The following SAMD14 variants were observed in gnomAD, a reference collection of about 807,000 sequenced individuals.
The protein encoded by SAMD14 is sterile alpha motif domain containing 14, also known as sterile alpha motif domain-containing protein 14.
Under a neutral mutation model 46.2 loss-of-function variants are expected in SAMD14, and 27 were observed. The ratio of observed to expected loss-of-function variants is 0.58; its 90% CI spans 0.43 to 0.81. The LOEUF is 0.81. SAMD14 is among the 30% of genes least tolerant of loss of function. The pLI is 0.00. For synonymous variants in SAMD14, 241 were observed against 254.3 expected, an observed-to-expected ratio of 0.95 and a Z score of 0.50; for missense variants, 559 against 582.2, an observed-to-expected ratio of 0.96 and a Z score of 0.41.
At chr17:50,120,879 C>G (rs191968072) in intron 2 of SAMD14, among the ~76,000 whole-genome samples, 6 of 152,208 alleles carry the variant, frequency 3.9e-5, no homozygotes, top group African/African-American at 1.2e-4. Flanking sequence ...ATAGCCCCCC[C>G]ACTCCAAAAC....
intron 2 of SAMD14, among the ~76,000 whole-genome samples, chr17:50,123,751 G>C (rs889526892): frequency 6.6e-6 from 1 of 152,182 alleles, no homozygotes. Flanking sequence ...TTTCACATCA[G>C]GAAGCAGTGA....
In SAMD14 at chr17:50,119,642, C is replaced by G. The variant is rs771935415; in HGVS notation, c.44-1315G>C. ...TCAAGCTCAACTCATCAAAATGAAC[C>G]GATCATGTAACCTCAAACCAGCTTC... On this transcript the variant is annotated intron_variant, in intron 2 of 9. Coordinates refer to ENST00000330175, the MANE Select transcript of SAMD14 (RefSeq NM_001257359.2). Among the ~76,000 whole-genome samples the G allele has an allele frequency of 2.6e-5, 4 of 152,148 alleles. No individual in the cohort carries two copies. In the South Asian group the frequency reaches 8.3e-4, roughly 32 times the overall value.
intron 2 of SAMD14, among the ~76,000 whole-genome samples, chr17:50,123,361 A>G (rs1053692312): frequency 1.3e-5 from 2 of 152,168 alleles, no homozygotes; most frequent in Non-Finnish European, 2.9e-5. Context: ...ACAGGAGGAC[A>G]CCTTTGGCCA....
chr17:50,127,263 AG>A (rs1221071502), intron 1 of SAMD14, among the ~76,000 whole-genome samples: 1 of 152,178 alleles, frequency 6.6e-6, no homozygotes, highest in Non-Finnish European at 1.5e-5. Flanking sequence ...ATAAGCATAG[AG>A]GGAGGGAAGC....
At chr17:50,125,030 GA>G in intron 1 of SAMD14, 59 bp from the exon 2 acceptor site, 1 of 1,502,610 alleles carries the variant, frequency 6.7e-7, no homozygotes, top group Non-Finnish European at 9.2e-7. Context: ...GATTCAGGCT[GA>G]CCGAGGCAGA....
At chr17:50,114,116 G>A in intron 8 of SAMD14, 37 bp from the exon 9 acceptor site, 1 of 1,613,760 alleles carries the variant, frequency 6.2e-7, no homozygotes, top group South Asian at 1.1e-5. Flanking sequence ...GGGAGGCTTG[G>A]CCTGTGACCT....
chr17:50,117,971 G>A (rs73330581), intron 3 of SAMD14, 190 bp downstream of exon 3: 15,566 of 702,722 alleles, frequency 0.022, 327 homozygotes, highest in African/African-American at 0.075. Flanking sequence ...GTAAAATGGG[G>A]CTAATAATAT....
chr17:50,118,807 A>T (rs1311195651), intron 2 of SAMD14, among the ~76,000 whole-genome samples: 1 of 152,154 alleles, frequency 6.6e-6, no homozygotes, highest in East Asian at 1.9e-4. Context: ...CATTTAAGAA[A>T]CACTTACTAC....
chr17:50,114,131 A>G (rs1347210007), intron 8 of SAMD14, 52 bp from the exon 9 acceptor site: 1 of 1,613,668 alleles, frequency 6.2e-7, no homozygotes, highest in Non-Finnish European at 8.5e-7. Flanking sequence ...TGACCTGAGC[A>G]CCTTGCAGAG....
In SAMD14 at chr17:50,110,328, G is replaced by A. The variant is rs752354363; in HGVS notation, c.*2565C>T. 13 of 424,496 alleles carry A rather than the reference G, an allele frequency of 3.1e-5. No homozygotes were observed. The highest frequency in any genetic ancestry group is 5.1e-5 in the Non-Finnish European group (12 of 236,646). 26.3% of individuals were successfully genotyped at this position (424,496 alleles called of 1,614,324 possible). On this transcript the variant is annotated 3_prime_UTR_variant, in exon 10 of 10. Transcript: ENST00000330175. ...CTATCTCTGTGGGCGATGCCTGAGG[G>A]TTAGGGATGTCTCCACCCTGATGGG...
At chr17:50,114,511 T>G in intron 7 of SAMD14, 1 of 1,458,608 alleles carries the variant, frequency 6.9e-7, no homozygotes, top group South Asian at 1.3e-5. Flanking sequence ...GGCAGCCATC[T>G]GGAGGACATG....
rs1200908437 is a variant in SAMD14 at position 50,110,358 on chromosome 17, C to G, written c.*2535G>C. On this transcript the variant is annotated 3_prime_UTR_variant, in exon 10 of 10. Transcript: ENST00000330175. ...GGATGTCTCCACCCTGATGGGGTGT[C>G]CCAGAGACATTTTCCCATGGCAGTC... The G allele has an allele frequency of 1.4e-5, 5 of 345,306 alleles. No homozygotes were observed. Among genetic ancestry groups the G allele is most frequent in the Non-Finnish European group, 2.6e-5 (5 of 189,246 alleles). The allele number at this position is 345,306 out of a possible 1,614,324, so 21.4% of individuals were successfully genotyped here.
In SAMD14 at chr17:50,118,345, G is replaced by T; in HGVS notation, c.44-18C>A. On this transcript the variant is annotated intron_variant, in intron 2 of 9. Coordinates refer to ENST00000330175, the MANE Select transcript of SAMD14 (RefSeq NM_001257359.2). ...GTCCAGGTCTGCGAACCGGGGGAGG[G>T]GAGCAGAGACCAGACACATGAGAGG... The T allele has an allele frequency of 6.2e-7, 1 of 1,608,814 alleles. No homozygotes were observed. Among genetic ancestry groups the T allele is most frequent in the Non-Finnish European group, 8.5e-7 (1 of 1,179,924 alleles).
At chr17:50,113,200 T>C in intron 9 of SAMD14, 152 bp from the exon 10 acceptor site, 1 of 817,954 alleles carries the variant, frequency 1.2e-6, no homozygotes, top group South Asian at 1.8e-5. Context: ...GACCTGCCCA[T>C]GGATCAGAAC....
chr17:50,116,037 C>T lies in SAMD14; in HGVS notation c.553G>A (p.Asp185Asn), dbSNP rs369388427. 7 of 1,614,000 alleles carry T rather than the reference C, an allele frequency of 4.3e-6. No homozygotes were observed. The highest frequency in any genetic ancestry group is 2.2e-5 in the East Asian group (1 of 44,894). ...AGGAACTTTCGGCGAGTCTTCTTAT[C>T]GAGGCCGATGGTGGGGCTGGCGGGC... Reference protein sequence around the residue: ...PEPASPTIGLDKKTRRKFLDL... With the variant: ...PEPASPTIGLNKKTRRKFLDL... Residue 185 changes from aspartate (D) to asparagine (N), a missense_variant, in exon 5 of 10, where the codon GAT becomes AAT. Physicochemically the swap from Asp to Asn is conservative, Grantham distance 23. Coordinates refer to ENST00000330175, the MANE Select transcript of SAMD14 (RefSeq NM_001257359.2).
intron 4 of SAMD14, chr17:50,116,294 C>T (rs1354728771): frequency 2.9e-6 from 2 of 701,686 alleles, no homozygotes; most frequent in Non-Finnish European, 4.6e-6. Context: ...TAACATCTAC[C>T]TGCTTCATGG....
In SAMD14 at chr17:50,114,179, T is replaced by C; in HGVS notation, c.942+8A>G. The C allele has an allele frequency of 6.2e-7, 1 of 1,614,084 alleles. No individual in the cohort carries two copies. The highest frequency in any genetic ancestry group is 8.5e-7 in the Non-Finnish European group (1 of 1,180,022). ...ACTCCGTGGGCACCCTGGGCCAGCC[T>C]TGCTCACCTCATCTGAAGACTGAGA... On this transcript the variant is annotated splice_region_variant and intron_variant, in intron 8 of 9. Coordinates refer to ENST00000330175, the MANE Select transcript of SAMD14 (RefSeq NM_001257359.2).
At position 50,115,629 on chromosome 17, in the gene SAMD14, T is replaced by C; in HGVS notation, c.757A>G (p.Ser253Gly). 1 of 1,604,534 alleles carries C rather than the reference T, an allele frequency of 6.2e-7. No individual in the cohort carries two copies. Among genetic ancestry groups the C allele is most frequent in the Non-Finnish European group, 8.5e-7 (1 of 1,173,978 alleles). ...GGGGAGCAGGTGGGGGAGGTGGTGC[T>C]ACCCGAGGATGCTGAGCCCTTGCCG... ...DSGKGSASSG[S>G]TTSPTCSPKH... The change falls in exon 7 of 10, where the codon AGC (serine) becomes GGC (glycine). Residue 253 changes from serine to glycine, a missense_variant. Physicochemically the swap from Ser to Gly is moderately conservative, Grantham distance 56. Coordinates refer to ENST00000330175, the MANE Select transcript of SAMD14 (RefSeq NM_001257359.2). This position sits in a 1 kb window ranked among gnomAD's most constrained non-coding sequence, Gnocchi z 5.3.
At position 50,128,514 on chromosome 17, in the gene SAMD14, C is replaced by CACA. The variant is rs1555563464; in HGVS notation, c.-13+1002_-13+1003insTGT. 5.3e-3 allele frequency among the ~76,000 whole-genome samples: 729 copies of CACA among 137,368 alleles called. 5 individuals are homozygous for CACA. The highest frequency in any genetic ancestry group is 7.9e-3 in the Admixed American group (112 of 14,238). The allele number at this position is 137,368 out of a possible 152,430, so 90.1% of individuals were successfully genotyped here. A position where few individuals can be genotyped will look rare whatever the true frequency, so the allele number is the denominator to read the frequency against. Reference sequence around the variant, plus strand: ...CACACACACACACACACACACACACCCCCATTCAGCCAGGTAACTGCACAA... The same window carrying CACA: ...CACACACACACACACACACACACACCACACCCATTCAGCCAGGTAACTGCACAA... On this transcript the variant is annotated intron_variant, in intron 1 of 9. Coordinates refer to ENST00000330175, the MANE Select transcript of SAMD14 (RefSeq NM_001257359.2).
Sources: gnomAD v4.1 joint callset for allele counts (sites outside exome capture counted in the v4.1 genomes callset) on GRCh38, gnomAD v4.1.1 for gene constraint, Gnocchi (gnomAD v3.1) non-coding constraint, MANE v1.5 for transcripts, NCBI Gene and HGNC (gene_info 2026-07-23, HGNC 2026-07-21) for gene names.